PRKAR1A: variants seen among roughly 807,000 people sequenced by gnomAD.
PRKAR1A encodes the protein protein kinase cAMP-dependent type I regulatory subunit alpha, also known as cAMP-dependent protein kinase type I-alpha regulatory subunit.
Under a neutral mutation model 52.0 loss-of-function variants are expected in PRKAR1A, and 3 were observed. The observed-to-expected ratio is 0.06, with a 90% confidence interval of 0.03 to 0.15. The LOEUF (loss-of-function observed/expected upper bound fraction) is 0.15, where lower values mean the gene tolerates loss of function less well. PRKAR1A is among the 10% of genes least tolerant of loss of function. The pLI is 1.00. For synonymous variants in PRKAR1A, 188 were observed against 168.4 expected, an observed-to-expected ratio of 1.12 and a Z score of -0.90; for missense variants, 240 against 477.4, an observed-to-expected ratio of 0.50 and a Z score of 4.63.
the PRKAR1A span, among the ~76,000 whole-genome samples, chr17:68,475,996 G>A: frequency 6.6e-6 from 1 of 152,026 alleles, no homozygotes; most frequent in Admixed American, 6.6e-5. Flanking sequence ...ATTATGTTTT[G>A]TTGATGCCTT....
At chr17:68,489,404 A>ATATATATATATGGAAAG in the PRKAR1A span, among the ~76,000 whole-genome samples, 1,503 of 4,824 alleles carry the variant, frequency 0.31, 540 homozygotes, top group East Asian at 0.47. Context: ...TATGGAAAGT[A>ATATATATATATGGAAAG]TATATATATA....
the PRKAR1A span, among the ~76,000 whole-genome samples, chr17:68,464,801 G>A: frequency 6.6e-6 from 1 of 151,948 alleles, no homozygotes; most frequent in Non-Finnish European, 1.5e-5. Flanking sequence ...CGAGGTGTAA[G>A]AACAGCTGGA....
intron 11 of PRKAR1A, chr17:68,541,775 T>G: frequency 1.8e-6 from 1 of 544,228 alleles, no homozygotes; most frequent in South Asian, 2.7e-5. Context: ...ACACCTAGTG[T>G]TGGGTATATG....
chr17:68,483,989 T>C, the PRKAR1A span, among the ~76,000 whole-genome samples: 13 of 152,254 alleles, frequency 8.5e-5, no homozygotes, highest in African/African-American at 3.1e-4. Flanking sequence ...GTTTTATTAC[T>C]GGGGCTTTAT....
chr17:68,484,787 G>C, the PRKAR1A span, among the ~76,000 whole-genome samples: 1 of 152,198 alleles, frequency 6.6e-6, no homozygotes, highest in African/African-American at 2.4e-5. Context: ...TCCCGACAGA[G>C]AAAGCAAGTG....
the PRKAR1A span, among the ~76,000 whole-genome samples, chr17:68,464,631 A>T: frequency 6.6e-6 from 1 of 151,248 alleles, no homozygotes; most frequent in African/African-American, 2.4e-5. Context: ...CAGTGAGCCG[A>T]GATCGTGCCG....
At chr17:68,534,975 C>A, downstream of PRKAR1A, 1 of 284,006 alleles carries the variant, frequency 3.5e-6, no homozygotes, top group South Asian at 3.5e-5. Flanking sequence ...AAGAGAATGA[C>A]TAATTTTTTT....
chr17:68,541,682 A>G (rs780683030), intron 11 of PRKAR1A: 22 of 289,920 alleles, frequency 7.6e-5, no homozygotes, highest in Non-Finnish European at 3.3e-5. Flanking sequence ...TGTTTTCGTG[A>G]TCTGGCTACA....
At chr17:68,483,741 A>G in the PRKAR1A span, among the ~76,000 whole-genome samples, 50 of 151,972 alleles carry the variant, frequency 3.3e-4, no homozygotes, top group Non-Finnish European at 4.7e-4. Context: ...CATGCCTGTA[A>G]TCCCAGCTAC....
At chr17:68,541,906 C>G in intron 11 of PRKAR1A, 1 of 1,507,750 alleles carries the variant, frequency 6.6e-7, no homozygotes, top group African/African-American at 1.4e-5. Context: ...ATTCAAAAGC[C>G]AAGCTAGCAA....
At chr17:68,470,324 C>T in the PRKAR1A span, among the ~76,000 whole-genome samples, 20 of 152,344 alleles carry the variant, frequency 1.3e-4, no homozygotes, top group East Asian at 3.9e-3. Context: ...GCGTGATCCA[C>T]CCGCCTTGGC....
At chr17:68,487,177 T>G in the PRKAR1A span, among the ~76,000 whole-genome samples, 7 of 152,170 alleles carry the variant, frequency 4.6e-5, no homozygotes, top group Non-Finnish European at 1.0e-4. Flanking sequence ...CGGCCTGTTA[T>G]GTGAATTTAA....
At chr17:68,472,312 TGGA>T in the PRKAR1A span, among the ~76,000 whole-genome samples, 2 of 152,064 alleles carry the variant, frequency 1.3e-5, no homozygotes, top group South Asian at 4.1e-4. Context: ...TTGCCATGGG[TGGA>T]GAAGTCCTCC....
At chr17:68,495,605 A>G in the PRKAR1A span, among the ~76,000 whole-genome samples, 1 of 152,080 alleles carries the variant, frequency 6.6e-6, no homozygotes, top group Non-Finnish European at 1.5e-5. Flanking sequence ...TAATGTTTGT[A>G]TTGCACGTGC....
At chr17:68,477,063 A>G in the PRKAR1A span, among the ~76,000 whole-genome samples, 54 of 152,218 alleles carry the variant, frequency 3.5e-4, no homozygotes, top group Non-Finnish European at 6.3e-4. Context: ...AAATTTTTAG[A>G]CAAGGACTTT....
the PRKAR1A span, among the ~76,000 whole-genome samples, chr17:68,485,719 C>T: frequency 3.9e-5 from 6 of 152,148 alleles, no homozygotes; most frequent in Admixed American, 3.3e-4. Context: ...AATCATTCCA[C>T]TGATCCTAAA....
the PRKAR1A span, among the ~76,000 whole-genome samples, chr17:68,446,966 T>G: frequency 1.3e-5 from 2 of 152,238 alleles, no homozygotes; most frequent in Admixed American, 1.3e-4. Flanking sequence ...TGTGAGAGCA[T>G]GCTTCTGGGG....
At chr17:68,429,331 T>A in the PRKAR1A span, among the ~76,000 whole-genome samples, 1 of 152,244 alleles carries the variant, frequency 6.6e-6, no homozygotes, top group Non-Finnish European at 1.5e-5. Flanking sequence ...TGTGAAATTT[T>A]AAAAATGTTC....
chr17:68,524,150 T>A lies in PRKAR1A; in HGVS notation c.502+73T>A, dbSNP rs1422349567. Reference sequence around the variant, plus strand: ...ACTAGAGGATTTTTTTGGTTTTGTTTTATTGAAGTTTGTTTTCCTCTTTGA... The same window carrying A: ...ACTAGAGGATTTTTTTGGTTTTGTTATATTGAAGTTTGTTTTCCTCTTTGA... On this transcript the variant is annotated intron_variant, in intron 5 of 10. Transcript: ENST00000589228. The A allele has an allele frequency of 6.0e-6, 9 of 1,508,046 alleles. No individual in the cohort carries two copies. In the East Asian group the frequency reaches 2.0e-4, roughly 34 times the overall value. The allele number at this position is 1,508,046 out of a possible 1,614,324, so 93.4% of individuals were successfully genotyped here.
Sources: gnomAD v4.1 joint callset for allele counts (sites outside exome capture counted in the v4.1 genomes callset) on GRCh38, gnomAD v4.1.1 for gene constraint, MANE v1.5 for transcripts, NCBI Gene and HGNC (gene_info 2026-07-23, HGNC 2026-07-21) for gene names.